The following AK9 variants were observed in gnomAD, a reference collection of about 807,000 sequenced individuals.
The protein encoded by AK9 is adenylate kinase 9.
In AK9, 191 loss-of-function variants were observed where a neutral mutation model predicts 239.6. That is an observed-to-expected ratio of 0.80 (90% CI 0.71 to 0.90). AK9 has a LOEUF of 0.90. Among genes scored for constraint, AK9 ranks in the 40% least tolerant of loss-of-function variants. The pLI is 0.00. For missense variants in AK9, 1,995 were observed against 2,214.7 expected, an observed-to-expected ratio of 0.90 and a Z score of 1.99; for synonymous variants, 689 against 721.0, an observed-to-expected ratio of 0.96 and a Z score of 0.71.
intron 1 of AK9, among the ~76,000 whole-genome samples, chr6:109,687,553 G>T (rs1186607960): frequency 1.3e-5 from 2 of 152,210 alleles, no homozygotes; most frequent in South Asian, 4.1e-4. Flanking sequence ...AGAGTGGGTG[G>T]CATGTGAGTG....
intron 29 of AK9, among the ~76,000 whole-genome samples, chr6:109,521,813 C>T (rs1232219306): frequency 6.6e-6 from 1 of 152,000 alleles, no homozygotes; most frequent in Non-Finnish European, 1.5e-5. Flanking sequence ...CAAAATCATG[C>T]TACAATTACA....
chr6:109,573,320 G>A, intron 21 of AK9, 122 bp downstream of exon 21: 3 of 1,066,638 alleles, frequency 2.8e-6, no homozygotes, highest in African/African-American at 1.6e-5. Context: ...CTGCTCTCTG[G>A]GGGCTCATCT....
intron 10 of AK9, among the ~76,000 whole-genome samples, chr6:109,640,490 G>A (rs532013649): frequency 6.6e-6 from 1 of 152,230 alleles, no homozygotes; most frequent in African/African-American, 2.4e-5. Flanking sequence ...AGTTGGAAAT[G>A]CAGAAATCAC....
chr6:109,672,321 G>T (rs1771040085), intron 3 of AK9, among the ~76,000 whole-genome samples, 154 bp from the exon 4 acceptor site: 1 of 152,092 alleles, frequency 6.6e-6, no homozygotes, highest in South Asian at 2.1e-4. Flanking sequence ...CTTCACTTAA[G>T]CCTAACCAAA....
At chr6:109,558,504 C>T (rs1785295668) in intron 24 of AK9, among the ~76,000 whole-genome samples, 1 of 152,118 alleles carries the variant, frequency 6.6e-6, no homozygotes, top group Non-Finnish European at 1.5e-5. Flanking sequence ...CACTAAATTG[C>T]CTCTGTAGAT....
chr6:109,506,820 A>T lies in AK9; in HGVS notation c.4482-20T>A, dbSNP rs1224159442. On this transcript the variant is annotated intron_variant, in intron 33 of 40. Transcript: ENST00000424296. ...ACAACACTAACAAGGAAAAACATGA[A>T]AATAAAAATTCCACATTTCTTTTTC... The T allele has an allele frequency of 3.4e-6, 5 of 1,469,326 alleles. No homozygotes were observed. 91.0% of individuals were successfully genotyped at this position (1,469,326 alleles called of 1,614,324 possible).
Position 109,614,468 on chromosome 6 carries a change from A to C in AK9, c.1412T>G (p.Leu471Ter). 2 of 1,551,116 alleles carry C rather than the reference A, an allele frequency of 1.3e-6. No homozygotes were observed. The highest frequency in any genetic ancestry group is 3.4e-4 in the Middle Eastern group (2 of 5,890). The change falls in exon 14 of 41, where the codon TTA becomes TGA. Residue 471 changes from leucine (L) to a stop codon, truncating the protein, a stop_gained. Coordinates refer to ENST00000424296, the MANE Select transcript of AK9 (RefSeq NM_001145128.3). LOFTEE classifies it high-confidence loss of function. Reference protein sequence around the residue: ...LQARKQAETALREFQRQYEKM... With the variant: ...LQARKQAETA ...TTCATATTGCCTTTGAAATTCTCTT[A>C]AAGCTGTTTCAGCTGAAATATAACA...
intron 8 of AK9, among the ~76,000 whole-genome samples, chr6:109,656,407 A>G (rs759548547): frequency 6.6e-5 from 10 of 152,210 alleles, no homozygotes; most frequent in Non-Finnish European, 1.2e-4. Context: ...CCTTAAATGT[A>G]TATTTGTTTT....
rs547374999 is a variant in AK9, at chr6:109,668,343, A to C, written c.331+3576T>G. On this transcript the variant is annotated intron_variant, in intron 5 of 40. Transcript: ENST00000424296. ...TTGCAAAAATTTTCTCCCATTCTGT[A>C]GGTTGCCTGTTCACTCTGATGGTAG... Among the ~76,000 whole-genome samples, 93 of 151,914 alleles carry C rather than the reference A, an allele frequency of 6.1e-4. 1 individual carries two copies. Among genetic ancestry groups the C allele is most frequent in the African/African-American group, 2.1e-3 (87 of 41,454 alleles).
intron 28 of AK9, among the ~76,000 whole-genome samples, chr6:109,531,036 C>G (rs536563553): frequency 6.6e-6 from 1 of 151,442 alleles, no homozygotes; most frequent in South Asian, 2.1e-4. Flanking sequence ...AGTCAGACTC[C>G]GTCTCAAAAG....
chr6:109,552,188 G>C (rs1299193192), intron 24 of AK9, among the ~76,000 whole-genome samples: 1 of 152,052 alleles, frequency 6.6e-6, no homozygotes, highest in African/African-American at 2.4e-5. Flanking sequence ...AAACATATGT[G>C]TGCTTGTGTC....
At position 109,506,487 on chromosome 6, in the gene AK9, G is replaced by A. The variant is rs547599626; in HGVS notation, c.4689C>T (p.Arg1563=). The A allele has an allele frequency of 8.1e-6, 13 of 1,612,788 alleles. No homozygotes were observed. In the Admixed American group the frequency reaches 1.0e-4, roughly 12 times the overall value. The change falls in exon 35 of 41, where the codon CGC becomes CGT. Residue 1563 remains arginine, a synonymous_variant. Transcript: ENST00000424296. The part of the protein sequence containing the change: ...QIVAVNNVKY[R]KNIGEIRQYY... ...ATTGCCTAATCTCACCAATATTTTT[G>A]CGATACTTTACATTATTGACAGCTA...
chr6:109,562,404 T>C (rs1583016895), intron 24 of AK9, among the ~76,000 whole-genome samples: 1 of 152,240 alleles, frequency 6.6e-6, no homozygotes, highest in Non-Finnish European at 1.5e-5. Flanking sequence ...ACATATAGAA[T>C]AACAACTGTT....
At chr6:109,633,859 A>G (rs1796410541) in intron 10 of AK9, among the ~76,000 whole-genome samples, 1 of 152,214 alleles carries the variant, frequency 6.6e-6, no homozygotes, top group Non-Finnish European at 1.5e-5. Flanking sequence ...TGACCTCCAG[A>G]TAAGTTAAGA....
In AK9 at chr6:109,494,103, G is replaced by A. The variant is rs1051506431; in HGVS notation, c.5419-8C>T. On this transcript the variant is annotated splice_region_variant and splice_polypyrimidine_tract_variant and intron_variant, in intron 39 of 40. Transcript: ENST00000424296. ...TAGAGAAGTTGCAATACCCTGCAGG[G>A]AGGGAACAATTCAAATTCTGTGTAT... 8 of 1,595,484 alleles carry A rather than the reference G, an allele frequency of 5.0e-6. No homozygotes were observed. Among genetic ancestry groups the A allele is most frequent in the South Asian group, 1.1e-5 (1 of 89,976 alleles).
chr6:109,551,744 A>AT (rs202117427), intron 24 of AK9, among the ~76,000 whole-genome samples: 1 of 140,736 alleles, frequency 7.1e-6, no homozygotes, highest in Non-Finnish European at 1.5e-5. Flanking sequence ...AGTCCTTATA[A>AT]TTTTTTTTCA....
chr6:109,668,476 C>G (rs746772254), intron 5 of AK9, among the ~76,000 whole-genome samples: 1 of 151,286 alleles, frequency 6.6e-6, no homozygotes, highest in Non-Finnish European at 1.5e-5. Context: ...CTTGCCCATG[C>G]CTCTGTCCTG....
At chr6:109,641,711 C>A (rs1348128738) in intron 9 of AK9, 95 bp from the exon 10 acceptor site, 9 of 1,016,950 alleles carry the variant, frequency 8.8e-6, no homozygotes, top group Non-Finnish European at 1.3e-5. Context: ...ACCATGCTCC[C>A]CCTGACTCTG....
chr6:109,653,070 G>A (rs1025305190), intron 8 of AK9, among the ~76,000 whole-genome samples: 1 of 152,050 alleles, frequency 6.6e-6, no homozygotes, highest in Non-Finnish European at 1.5e-5. Context: ...GGGATTATAG[G>A]TGCCTGCCAC....
Sources: allele counts gnomAD v4.1 joint callset (sites outside exome capture counted in the v4.1 genomes callset), GRCh38; gene constraint gnomAD v4.1.1; transcripts MANE v1.5; gene names NCBI Gene and HGNC (gene_info 2026-07-23, HGNC 2026-07-21).